Variants in STOX2 observed in about 807,000 individuals in gnomAD.
The protein encoded by STOX2 is storkhead box 2, also known as storkhead-box protein 2.
A neutral mutation model predicts 60.9 loss-of-function variants in STOX2; 28 were observed. The ratio of observed to expected loss-of-function variants is 0.46; its 90% confidence interval spans 0.34 to 0.63. STOX2 has a LOEUF of 0.63. STOX2 is among the 30% of genes least tolerant of loss of function. The probability of loss-of-function intolerance (pLI) is 0.01; values close to 1 mark genes in which losing one functional copy is unlikely to be tolerated. For synonymous variants in STOX2, 472 were observed against 463.9 expected, an observed-to-expected ratio of 1.02 and a Z score of -0.22; for missense variants, 1,024 against 1,187.7, an observed-to-expected ratio of 0.86 and a Z score of 2.03.
At chr4:183,803,877 C>T (rs917626908) in intron 1 of STOX2, among the ~76,000 whole-genome samples, 9 of 152,068 alleles carry the variant, frequency 5.9e-5, no homozygotes, top group Non-Finnish European at 8.8e-5. Context: ...GCAGGAGAAT[C>T]GCTTGAACCT....
rs553869465 is a variant in STOX2, at chr4:183,819,221, C to T, written c.364+21166C>T. Among the ~76,000 whole-genome samples the T allele has an allele frequency of 1.3e-3, 204 of 152,118 alleles. 1 individual carries two copies. Among genetic ancestry groups the T allele is most frequent in the African/African-American group, 4.4e-3 (183 of 41,514 alleles). On this transcript the variant is annotated intron_variant, in intron 1 of 2. Coordinates refer to the STOX2 transcript ENST00000513034. ...CTGGGAGGTGGAGGTTGTAGAGAGC[C>T]GAGATCACGCCGCTGCACTCCAGCC...
chr4:184,009,675 G>C lies in STOX2; in HGVS notation c.837G>C (p.Lys279Asn), dbSNP rs1321560853. ...TCCGGTTAAGTTTTAAAAAAGACAA[G>C]ACCAAACAGCTGGCCAATTTTTCTG... ...KLFRLSFKKD[K>N]TKQLANFSAQ... Residue 279 changes from lysine to asparagine, a missense_variant, in exon 3 of 4, where the codon AAG becomes AAC. Lys to Asn is a moderately conservative substitution (Grantham distance 94). Coordinates refer to ENST00000308497, the MANE Select transcript of STOX2 (RefSeq NM_020225.3). The surrounding 1 kb of genome is among the most constrained non-coding windows in gnomAD (Gnocchi z 4.0). 2 of 1,613,780 alleles carry C rather than the reference G, an allele frequency of 1.2e-6. No homozygotes were observed. Among genetic ancestry groups the C allele is most frequent in the South Asian group, 2.2e-5 (2 of 91,068 alleles).
chr4:183,880,568 A>G (rs1740936911), intron 1 of STOX2, among the ~76,000 whole-genome samples: 1 of 152,224 alleles, frequency 6.6e-6, no homozygotes, highest in Non-Finnish European at 1.5e-5. Flanking sequence ...TACATTCAAC[A>G]TGTCCAGAAA....
At chr4:183,984,776 A>G (rs532323686) in intron 1 of STOX2, among the ~76,000 whole-genome samples, 3 of 152,018 alleles carry the variant, frequency 2.0e-5, no homozygotes, top group Admixed American at 6.6e-5. Context: ...TGAGCAAATC[A>G]CCTCTGCGGT....
In STOX2 at chr4:184,019,132, A is replaced by G. The variant is rs1366627094; in HGVS notation, c.*1848A>G. 2 of 152,210 alleles carry G rather than the reference A, an allele frequency of 1.3e-5. No homozygotes were observed. Among genetic ancestry groups the G allele is most frequent in the Non-Finnish European group, 1.5e-5 (1 of 68,034 alleles). 9.4% of individuals were successfully genotyped at this position (152,210 alleles called of 1,614,324 possible). ...GTTATTTGGAAGTTGCATTGGGTCA[A>G]ACTGAACTCCTTGAGTTTGGTGTAA... On this transcript the variant is annotated 3_prime_UTR_variant, in exon 4 of 4. Coordinates refer to ENST00000308497, the MANE Select transcript of STOX2 (RefSeq NM_020225.3).
intron 1 of STOX2, among the ~76,000 whole-genome samples, chr4:183,969,203 A>C (rs561309281): frequency 2.5e-4 from 38 of 152,344 alleles, no homozygotes; most frequent in African/African-American, 8.4e-4. Context: ...CTGCTTCATC[A>C]GTGTACGTGT....
intron 1 of STOX2, among the ~76,000 whole-genome samples, chr4:183,951,189 TG>T (rs1157357448): frequency 1.4e-5 from 2 of 140,210 alleles, no homozygotes; most frequent in Admixed American, 7.5e-5. Context: ...CACTCCAGCC[TG>T]GGCGACAGAG....
Position 184,009,144 on chromosome 4 carries a change from T to TG in STOX2, c.320-14_320-13insG. On this transcript the variant is annotated splice_polypyrimidine_tract_variant and intron_variant, in intron 2 of 3. Transcript: ENST00000308497. The surrounding 1 kb of genome is among the most constrained non-coding windows in gnomAD (Gnocchi z 4.0). ...CTTCATTCTCACAAGTGGTTTTTTT[T>TG]TTTTTTTTTTCAGGTGTTCCAACGC... 1 of 1,419,220 alleles carries TG rather than the reference T, an allele frequency of 7.0e-7. No homozygotes were observed. Among genetic ancestry groups the TG allele is most frequent in the Non-Finnish European group, 9.4e-7 (1 of 1,066,936 alleles). 87.9% of individuals were successfully genotyped at this position (1,419,220 alleles called of 1,614,324 possible). A position where few individuals can be genotyped will look rare whatever the true frequency, so the allele number is the denominator to read the frequency against.
At chr4:183,828,269 C>T (rs755534240) in intron 1 of STOX2, among the ~76,000 whole-genome samples, 3 of 152,032 alleles carry the variant, frequency 2.0e-5, no homozygotes, top group Non-Finnish European at 4.4e-5. Context: ...AGGGTGTTGG[C>T]GCATTTTGCC....
chr4:183,976,988 G>A (rs1045504328), intron 1 of STOX2, among the ~76,000 whole-genome samples: 1 of 152,200 alleles, frequency 6.6e-6, no homozygotes, highest in Non-Finnish European at 1.5e-5. Context: ...CCAGTTAGAT[G>A]CAAGATTGTA....
intron 1 of STOX2, among the ~76,000 whole-genome samples, chr4:183,978,096 A>T (rs754789448): frequency 1.3e-5 from 2 of 152,140 alleles, no homozygotes; most frequent in African/African-American, 2.4e-5. Flanking sequence ...AATGCTATTT[A>T]GTTTAGTTAA....
At position 183,806,859 on chromosome 4, in the gene STOX2, T is replaced by C. The variant is rs1579286645; in HGVS notation, c.364+8804T>C. ...CCAGGACATGCCCTTGTAAGGCAAG[T>C]GGTCTTCAGAGATTCCAGACTCCCC... On this transcript the variant is annotated intron_variant, in intron 1 of 2. Coordinates refer to the STOX2 transcript ENST00000513034. This position sits in a 1 kb window ranked among gnomAD's most constrained non-coding sequence, Gnocchi z 4.1. 6.6e-6 allele frequency among the ~76,000 whole-genome samples: 1 copy of C among 152,214 alleles called. No individual in the cohort carries two copies.
chr4:183,918,201 T>C (rs1741985986), intron 1 of STOX2, among the ~76,000 whole-genome samples: 1 of 152,214 alleles, frequency 6.6e-6, no homozygotes, highest in Non-Finnish European at 1.5e-5. Flanking sequence ...TTATCAGAAA[T>C]CAAGTATTCC....
chr4:183,855,366 C>T (rs1023958444), intron 1 of STOX2, among the ~76,000 whole-genome samples: 1 of 152,118 alleles, frequency 6.6e-6, no homozygotes, highest in African/African-American at 2.4e-5. Flanking sequence ...GTAATGCAGG[C>T]ATGTGTGAAA....
chr4:183,963,241 C>A (rs1560907300), intron 1 of STOX2, among the ~76,000 whole-genome samples: 1 of 151,972 alleles, frequency 6.6e-6, no homozygotes, highest in Admixed American at 6.5e-5. Context: ...TTTGTTACCC[C>A]CAACTAAGAA....
intron 1 of STOX2, among the ~76,000 whole-genome samples, chr4:183,955,806 A>G (rs1743231376): frequency 6.6e-6 from 1 of 151,758 alleles, no homozygotes. Flanking sequence ...TGGAGGCACT[A>G]AAGTGTTGCT....
At chr4:183,983,304 C>T (rs1394979276) in intron 1 of STOX2, among the ~76,000 whole-genome samples, 2 of 152,152 alleles carry the variant, frequency 1.3e-5, no homozygotes, top group African/African-American at 4.8e-5. Context: ...TCTTTGCTCT[C>T]CTGGTCCTCT....
intron 1 of STOX2, among the ~76,000 whole-genome samples, chr4:183,977,267 C>G (rs888475210): frequency 6.6e-6 from 1 of 152,056 alleles, no homozygotes; most frequent in African/African-American, 2.4e-5. Flanking sequence ...TTATTCCACC[C>G]TGCAATAACT....
intron 1 of STOX2, among the ~76,000 whole-genome samples, chr4:183,920,810 T>A (rs1742079486): frequency 6.6e-6 from 1 of 152,188 alleles, no homozygotes; most frequent in Non-Finnish European, 1.5e-5. Flanking sequence ...AGTGTTATCA[T>A]GAGCTGCCAA....
Sources: allele counts gnomAD v4.1 joint callset (sites outside exome capture counted in the v4.1 genomes callset), GRCh38; gene constraint gnomAD v4.1.1; non-coding constraint Gnocchi (gnomAD v3.1); transcripts MANE v1.5; gene names NCBI Gene and HGNC (gene_info 2026-07-23, HGNC 2026-07-21).